RBFOX1: variants seen among roughly 807,000 people sequenced by gnomAD.
RBFOX1 encodes RNA binding protein fox-1 homolog 1.
A neutral mutation model predicts 57.7 loss-of-function variants in RBFOX1; 8 were observed. The ratio of observed to expected loss-of-function variants is 0.14; its 90% CI spans 0.08 to 0.25. RBFOX1 has a LOEUF of 0.25. RBFOX1 is among the 10% of genes least tolerant of loss of function. The pLI, the probability that RBFOX1 is intolerant of heterozygous loss-of-function variation, is 1.00. For missense variants in RBFOX1, 611 were observed against 548.5 expected (o/e 1.11, Z -1.14); for synonymous variants, 326 against 222.4 (o/e 1.47, Z -4.15).
At chr16:6,053,534 C>G (rs1245939107) in intron 1 of RBFOX1, among the ~76,000 whole-genome samples, 1 of 152,056 alleles carries the variant, frequency 6.6e-6, no homozygotes, top group Non-Finnish European at 1.5e-5. Flanking sequence ...AAGAAAATTC[C>G]CATGTAATAT....
chr16:6,849,096 C>T (rs944716977), intron 3 of RBFOX1, among the ~76,000 whole-genome samples: 1 of 152,134 alleles, frequency 6.6e-6, no homozygotes, highest in Non-Finnish European at 1.5e-5. Flanking sequence ...GCATGAGACG[C>T]TCCACATTTC....
intron 10 of RBFOX1, among the ~76,000 whole-genome samples, chr16:7,609,367 G>A (rs942193762): frequency 2.0e-5 from 3 of 152,086 alleles, no homozygotes; most frequent in South Asian, 2.1e-4. Flanking sequence ...TAATATCCCC[G>A]TTACTTGTGC....
chr16:5,667,723 A>T (rs2049891901), intron 3 of RBFOX1, among the ~76,000 whole-genome samples: 1 of 152,216 alleles, frequency 6.6e-6, no homozygotes, highest in African/African-American at 2.4e-5. Context: ...AACTATTAGA[A>T]TTAGTTTTTC....
chr16:5,384,353 C>T (rs1596771393), intron 1 of RBFOX1, among the ~76,000 whole-genome samples: 1 of 152,294 alleles, frequency 6.6e-6, no homozygotes, highest in Non-Finnish European at 1.5e-5. Context: ...GGCATACAGT[C>T]TGGCCAATGT....
At chr16:7,141,570 GC>G (rs1252683477) in intron 4 of RBFOX1, among the ~76,000 whole-genome samples, 1 of 152,168 alleles carries the variant, frequency 6.6e-6, no homozygotes, top group Non-Finnish European at 1.5e-5. Context: ...GGAAGGTGGG[GC>G]CATTTATGGC....
chr16:6,268,685 G>C (rs917883571), intron 1 of RBFOX1, among the ~76,000 whole-genome samples: 3 of 152,158 alleles, frequency 2.0e-5, no homozygotes, highest in African/African-American at 7.2e-5. Context: ...GTGGAAAATT[G>C]AAAGAGTCAG....
At chr16:5,296,335 A>G (rs139460444) in intron 1 of RBFOX1, among the ~76,000 whole-genome samples, 2 of 152,316 alleles carry the variant, frequency 1.3e-5, no homozygotes, top group Non-Finnish European at 2.9e-5. Flanking sequence ...TTGCTAGAAC[A>G]GCAGGAGACA....
chr16:5,738,557 C>G (rs959331455), intron 3 of RBFOX1, among the ~76,000 whole-genome samples: 16 of 140,404 alleles, frequency 1.1e-4, no homozygotes, highest in African/African-American at 4.2e-4. Flanking sequence ...TCGCTTGAAT[C>G]TGGGAGGTGA....
At chr16:7,234,551 C>G (rs11077158) in intron 4 of RBFOX1, among the ~76,000 whole-genome samples, 101,250 of 151,514 alleles carry the variant, frequency 0.67, 35,479 homozygotes, top group East Asian at 0.96. Flanking sequence ...AGCATTTAAC[C>G]ATGAAGTCTT....
intron 13 of RBFOX1, among the ~76,000 whole-genome samples, chr16:7,667,165 A>G (rs1297414879): frequency 6.6e-6 from 1 of 152,136 alleles, no homozygotes; most frequent in Non-Finnish European, 1.5e-5. Context: ...CCTGTCTCTA[A>G]CAGTCTCTGG....
rs79590015 is a variant in RBFOX1, at chr16:7,119,309, T to C, written c.27+67211T>C. Among the ~76,000 whole-genome samples the C allele has an allele frequency of 7.9e-3, 1,202 of 152,260 alleles. 7 individuals are homozygous for C. Among genetic ancestry groups the C allele is most frequent in the African/African-American group, 0.028 (1,148 of 41,554 alleles). On this transcript the variant is annotated intron_variant, in intron 4 of 15. Transcript: ENST00000550418. Reference sequence around the variant, plus strand: ...GACCAACTATCCTCAGGTTTCCCTATGGTGAATGATTTATTGAGTCATCAG... The same window carrying C: ...GACCAACTATCCTCAGGTTTCCCTACGGTGAATGATTTATTGAGTCATCAG...
intron 3 of RBFOX1, among the ~76,000 whole-genome samples, chr16:5,634,529 G>C (rs919661383): frequency 3.3e-5 from 5 of 152,160 alleles, no homozygotes; most frequent in Admixed American, 2.0e-4. Context: ...ACCTAAGTGT[G>C]ATTAAGGATA....
chr16:7,082,171 T>C (rs1311597534), intron 4 of RBFOX1, among the ~76,000 whole-genome samples: 3 of 152,162 alleles, frequency 2.0e-5, no homozygotes, highest in Non-Finnish European at 2.9e-5. Context: ...GCCTTCTGGT[T>C]GGATATTTTA....
chr16:5,589,236 C>T (rs1394866820), intron 2 of RBFOX1, among the ~76,000 whole-genome samples: 1 of 152,148 alleles, frequency 6.6e-6, no homozygotes, highest in South Asian at 2.1e-4. Context: ...GTGGAGGGAA[C>T]ATGAGTGTAC....
chr16:6,261,305 C>A (rs1311425434), intron 1 of RBFOX1, among the ~76,000 whole-genome samples: 1 of 152,138 alleles, frequency 6.6e-6, no homozygotes, highest in African/African-American at 2.4e-5. Context: ...TCTTTGAGTC[C>A]TGGTGTTAGC....
At position 5,548,177 on chromosome 16, in the gene RBFOX1, ATATAT is replaced by A. The variant is rs1567217787; in HGVS notation, c.259-50724_259-50720del. On this transcript the variant is annotated intron_variant, in intron 2 of 2. Coordinates refer to the RBFOX1 transcript ENST00000585867. The stretch of plus-strand genomic sequence containing the variant: ...CTCTGTTAAAAAAAAAAAAAAAAAT[ATATAT>A]ATATATATATATATATATATATAGA... Among the ~76,000 whole-genome samples the A allele has an allele frequency of 7.9e-3, 321 of 40,810 alleles. 3 individuals carry two copies. The highest frequency in any genetic ancestry group is 0.021 in the African/African-American group (295 of 13,864). The allele number at this position is 40,810 out of a possible 152,430, so 26.8% of individuals were successfully genotyped here. A position where few individuals can be genotyped will look rare whatever the true frequency, so the allele number is the denominator to read the frequency against.
At chr16:6,250,681 C>T (rs28613933) in intron 1 of RBFOX1, among the ~76,000 whole-genome samples, 26,739 of 152,080 alleles carry the variant, frequency 0.18, 2,716 homozygotes, top group Middle Eastern at 0.29. Flanking sequence ...GGAAGCCTGC[C>T]GGCTGTTCTC....
chr16:6,172,372 G>A (rs1490884111), intron 1 of RBFOX1, among the ~76,000 whole-genome samples: 1 of 152,162 alleles, frequency 6.6e-6, no homozygotes, highest in African/African-American at 2.4e-5. Context: ...GAGCTCTGAA[G>A]CCCAACCTCT....
chr16:7,574,108 G>C lies in RBFOX1; in HGVS notation c.271-5669G>C, dbSNP rs192687643. Among the ~76,000 whole-genome samples, 402 of 152,274 alleles carry C rather than the reference G, an allele frequency of 2.6e-3. 5 individuals are homozygous for C. Among genetic ancestry groups the C allele is most frequent in the South Asian group, 4.8e-3 (23 of 4,830 alleles). ...TTCTCAAGTTGAATGAGGCACACTA[G>C]TAGGTACTGGGAACATACAGGCAGC... On this transcript the variant is annotated intron_variant, in intron 5 of 15. Coordinates refer to ENST00000550418, the MANE Select transcript of RBFOX1 (RefSeq NM_018723.4).
Sources: gnomAD v4.1 joint callset for allele counts (sites outside exome capture counted in the v4.1 genomes callset) on GRCh38, gnomAD v4.1.1 for gene constraint, MANE v1.5 for transcripts, NCBI Gene and HGNC (gene_info 2026-07-23, HGNC 2026-07-21) for gene names.